The following FSIP2 variants were observed in gnomAD, a reference collection of about 807,000 sequenced individuals.
The protein encoded by FSIP2 is fibrous sheath interacting protein 2.
In FSIP2, 367 loss-of-function variants were observed where a neutral mutation model predicts 510.5. The ratio of observed to expected loss-of-function variants is 0.72; its 90% CI spans 0.66 to 0.78. The LOEUF is 0.78. Ranked by LOEUF, FSIP2 falls within the 30% of genes least tolerant of loss-of-function variation. FSIP2 has a pLI of 0.00. For synonymous variants in FSIP2, 2,601 were observed against 2,732.2 expected (o/e 0.95, Z 1.50); for missense variants, 7,594 against 7,901.7 (o/e 0.96, Z 1.48).
chr2:185,787,237 T>C (rs977801025), intron 15 of FSIP2, among the ~76,000 whole-genome samples: 3 of 134,902 alleles, frequency 2.2e-5, no homozygotes, highest in African/African-American at 5.5e-5. Flanking sequence ...CAACATAAGA[T>C]TGTCATCTCA....
At position 185,789,718 on chromosome 2, in the gene FSIP2, T is replaced by C; in HGVS notation, c.2582T>C (p.Ile861Thr). ...LSCQQHKTDP[I>T]CMFLQRAGKN... ...TGCCAGCAACATAAGACAGACCCAA[T>C]ATGTATGTTCCTTCAAAGAGCTGGC... The change falls in exon 16 of 23, where the codon ATA becomes ACA. Residue 861 changes from isoleucine (I) to threonine (T), a missense_variant. Physicochemically the swap from Ile to Thr is moderately conservative, Grantham distance 89. Transcript: ENST00000424728. 6.5e-7 allele frequency: 1 copy of C among 1,534,416 alleles called. No homozygotes were observed. The highest frequency in any genetic ancestry group is 1.2e-5 in the South Asian group (1 of 84,018).
In FSIP2 at chr2:185,796,355, A is replaced by G; in HGVS notation, c.9219A>G (p.Ser3073=). The part of the protein sequence containing the change: ...NIQNILLRVH[S]FHSQLLTYAV... Reference sequence around the variant, plus strand: ...AGAATATCCTTCTACGGGTTCATTCATTCCATTCACAATTACTTACATATG... The same window carrying G: ...AGAATATCCTTCTACGGGTTCATTCGTTCCATTCACAATTACTTACATATG... The change falls in exon 16 of 23, where the codon TCA becomes TCG. Residue 3073 remains serine (S), a synonymous_variant. Coordinates refer to ENST00000424728, the MANE Select transcript of FSIP2 (RefSeq NM_173651.4). The G allele has an allele frequency of 1.3e-6, 2 of 1,534,086 alleles. No homozygotes were observed. The highest frequency in any genetic ancestry group is 4.9e-5 in the East Asian group (2 of 40,830).
At chr2:185,767,913 C>T (rs1362131708) in intron 13 of FSIP2, among the ~76,000 whole-genome samples, 2 of 152,052 alleles carry the variant, frequency 1.3e-5, no homozygotes, top group South Asian at 2.1e-4. Context: ...ATTGCTAGAT[C>T]GATCATAAGG....
In FSIP2 at chr2:185,800,277, G is replaced by A. The variant is rs1559031759; in HGVS notation, c.10971G>A (p.Trp3657Ter). The A allele has an allele frequency of 3.3e-6, 5 of 1,533,962 alleles. No homozygotes were observed. The highest frequency in any genetic ancestry group is 2.4e-5 in the East Asian group (1 of 40,832). The change falls in exon 17 of 23, where the codon TGG becomes TGA. Residue 3657 changes from tryptophan (W) to a stop codon, truncating the protein, a stop_gained. Transcript: ENST00000424728. LOFTEE classifies it high-confidence loss of function. Reference protein sequence around the residue: ...KINRQASPRDWQFSTQQIGQL... With the variant: ...KINRQASPRD ...ATAGACAGGCAAGCCCCAGAGACTG[G>A]CAATTTTCTACTCAACAAATTGGTC...
At position 185,801,789 on chromosome 2, in the gene FSIP2, T is replaced by G; in HGVS notation, c.12483T>G (p.Cys4161Trp). Residue 4161 changes from cysteine to tryptophan, a missense_variant, in exon 17 of 23, where the codon TGT (cysteine) becomes TGG (tryptophan). Transcript: ENST00000424728. ...LSQLIPPPITCSSLGKKYLMS... is the reference protein window; with the variant it reads ...LSQLIPPPITWSSLGKKYLMS... ...AGCTAATTCCTCCACCCATTACATG[T>G]TCCTCTTTAGGAAAAAAATATTTAA... 4 of 1,500,046 alleles carry G rather than the reference T, an allele frequency of 2.7e-6. No individual in the cohort carries two copies. Among genetic ancestry groups the G allele is most frequent in the Non-Finnish European group, 3.5e-6 (4 of 1,130,184 alleles). 92.9% of individuals were successfully genotyped at this position (1,500,046 alleles called of 1,614,324 possible).
chr2:185,793,719 A>G lies in FSIP2; in HGVS notation c.6583A>G (p.Lys2195Glu), dbSNP rs1693195146. The G allele has an allele frequency of 2.6e-6, 4 of 1,534,534 alleles. No homozygotes were observed. Among genetic ancestry groups the G allele is most frequent in the Non-Finnish European group, 3.5e-6 (4 of 1,145,848 alleles). ...LPLTFCDTFP[K>E]IDCQQPLKGS... ...CCTGACATTTTGTGATACGTTTCCA[A>G]AAATAGACTGTCAACAGCCTCTTAA... is the stretch of plus-strand genomic sequence containing the variant. The change falls in exon 16 of 23, where the codon AAA (lysine) becomes GAA (glutamate). Residue 2195 changes from lysine to glutamate, a missense_variant. By Grantham distance (56) the Lys-to-Glu change is moderately conservative (BLOSUM62 1). Coordinates refer to ENST00000424728, the MANE Select transcript of FSIP2 (RefSeq NM_173651.4).
Position 185,797,465 on chromosome 2 carries a change from T to C in FSIP2, c.10329T>C (p.His3443=). ...ATGAAATGGGTTCCAATGAAGTTCA[T>C]CTGATAGCAAGACATGTCACCACAT... The part of the protein sequence containing the change: ...ADHEMGSNEV[H]LIARHVTTSV... Residue 3443 remains histidine, a synonymous_variant, in exon 16 of 23, where the codon CAT becomes CAC. Coordinates refer to ENST00000424728, the MANE Select transcript of FSIP2 (RefSeq NM_173651.4). The C allele has an allele frequency of 2.0e-6, 3 of 1,525,534 alleles. No homozygotes were observed. Among genetic ancestry groups the C allele is most frequent in the Non-Finnish European group, 2.6e-6 (3 of 1,143,874 alleles). The allele number at this position is 1,525,534 out of a possible 1,614,324, so 94.5% of individuals were successfully genotyped here. A position where few individuals can be genotyped will look rare whatever the true frequency, so the allele number is the denominator to read the frequency against.
chr2:185,790,814 T>A lies in FSIP2; in HGVS notation c.3678T>A (p.Ser1226Arg), dbSNP rs1349648545. The A allele has an allele frequency of 6.5e-7, 1 of 1,532,952 alleles. No homozygotes were observed. Among genetic ancestry groups the A allele is most frequent in the South Asian group, 1.2e-5 (1 of 83,658 alleles). The allele number at this position is 1,532,952 out of a possible 1,614,324, so 95.0% of individuals were successfully genotyped here. A position where few individuals can be genotyped will look rare whatever the true frequency, so the allele number is the denominator to read the frequency against. Residue 1226 changes from serine (S) to arginine (R), a missense_variant, in exon 16 of 23, where the codon AGT becomes AGA. Coordinates refer to ENST00000424728, the MANE Select transcript of FSIP2 (RefSeq NM_173651.4). ...ACCCATTAAAAACATGGTTTGACAG[T>A]GAAAAGAAAATGAAATATTTATCTT... ...NKYPLKTWFD[S>R]EKKMKYLSLF...
At chr2:185,815,064 AAT>A (rs1222931134) in intron 18 of FSIP2, among the ~76,000 whole-genome samples, 1 of 152,042 alleles carries the variant, frequency 6.6e-6, no homozygotes, top group Non-Finnish European at 1.5e-5. Context: ...TGCCCTCAGT[AAT>A]ATATGATTTC....
intron 13 of FSIP2, among the ~76,000 whole-genome samples, chr2:185,766,862 C>T (rs7588544): frequency 0.33 from 27,593 of 83,846 alleles, 3,504 homozygotes; most frequent in South Asian, 0.35. Context: ...TAAAGACACA[C>T]GCACACGTAT....
In FSIP2 at chr2:185,794,348, A is replaced by G; in HGVS notation, c.7212A>G (p.Arg2404=). ...DSMLKMLDDK[R]SVKEICFNSK... is the part of the protein sequence containing the mutation. ...TGTTAAAGATGTTAGATGATAAAAG[A>G]TCTGTAAAGGAAATTTGTTTTAATT... The change falls in exon 16 of 23, where the codon AGA becomes AGG. Residue 2404 remains arginine, a synonymous_variant. Coordinates refer to ENST00000424728, the MANE Select transcript of FSIP2 (RefSeq NM_173651.4). The G allele has an allele frequency of 6.6e-7, 1 of 1,515,924 alleles. No homozygotes were observed. The highest frequency in any genetic ancestry group is 8.8e-7 in the Non-Finnish European group (1 of 1,138,928). The allele number at this position is 1,515,924 out of a possible 1,614,324, so 93.9% of individuals were successfully genotyped here. A position where few individuals can be genotyped will look rare whatever the true frequency, so the allele number is the denominator to read the frequency against.
At chr2:185,784,257 A>C (rs80137114) in intron 14 of FSIP2, 1 of 152,276 alleles carries the variant, frequency 6.6e-6, no homozygotes, top group East Asian at 1.9e-4. Context: ...GGTTGCACTC[A>C]GGTGATAAGT....
chr2:185,744,535 T>C (rs1254384662), intron 4 of FSIP2, 124 bp downstream of exon 4: 1 of 256,784 alleles, frequency 3.9e-6, no homozygotes, highest in Non-Finnish European at 7.3e-6. Flanking sequence ...TGAATATTTT[T>C]TCCAAGTGAA....
At position 185,803,126 on chromosome 2, in the gene FSIP2, A is replaced by G; in HGVS notation, c.13820A>G (p.Asp4607Gly). The stretch of plus-strand genomic sequence containing the variant: ...TCTTCATCAGACACATATTTTGATG[A>G]TGAGAGAAGGCAGTTATTTTATACC... ...SLSSSDTYFDDERRQLFYTSV... is the reference protein window; with the variant it reads ...SLSSSDTYFDGERRQLFYTSV... The change falls in exon 17 of 23, where the codon GAT (aspartate) becomes GGT (glycine). Residue 4607 changes from aspartate (D) to glycine (G), a missense_variant. Transcript: ENST00000424728. 1 of 1,521,440 alleles carries G rather than the reference A, an allele frequency of 6.6e-7. No individual in the cohort carries two copies. Among genetic ancestry groups the G allele is most frequent in the Non-Finnish European group, 8.8e-7 (1 of 1,141,476 alleles). The allele number at this position is 1,521,440 out of a possible 1,614,324, so 94.2% of individuals were successfully genotyped here.
intron 3 of FSIP2, among the ~76,000 whole-genome samples, chr2:185,744,009 T>C (rs1439714959): frequency 6.6e-6 from 1 of 151,954 alleles, no homozygotes; most frequent in Non-Finnish European, 1.5e-5. Flanking sequence ...AATTTTTTTT[T>C]TTTAGAGATG....
In FSIP2 at chr2:185,808,664, A is replaced by G; in HGVS notation, c.19358A>G (p.Lys6453Arg). The part of the protein sequence containing the change: ...IKDTNTAFPK[K>R]VASLIIDGVS... ...GATACAAATACAGCCTTTCCTAAAA[A>G]AGTGGCTAGTTTAATTATTGATGGA... Residue 6453 changes from lysine (K) to arginine (R), a missense_variant, in exon 17 of 23, where the codon AAA becomes AGA. Coordinates refer to ENST00000424728, the MANE Select transcript of FSIP2 (RefSeq NM_173651.4). 6.2e-7 allele frequency: 1 copy of G among 1,606,120 alleles called. No homozygotes were observed. The highest frequency in any genetic ancestry group is 8.5e-7 in the Non-Finnish European group (1 of 1,176,892).
In FSIP2 at chr2:185,806,727, A is replaced by G; in HGVS notation, c.17421A>G (p.Gln5807=). The change falls in exon 17 of 23, where the codon CAA becomes CAG. Residue 5807 remains glutamine, a synonymous_variant. Coordinates refer to ENST00000424728, the MANE Select transcript of FSIP2 (RefSeq NM_173651.4). ...TCTTTTCTTCTATACCAGAAACACA[A>G]ATACAAGATAGATGTCAAAATGTTA... ...QLIFSSIPET[Q]IQDRCQNVSD... is the part of the protein sequence containing the mutation. 1 of 1,610,144 alleles carries G rather than the reference A, an allele frequency of 6.2e-7. No homozygotes were observed. Among genetic ancestry groups the G allele is most frequent in the Non-Finnish European group, 8.5e-7 (1 of 1,178,228 alleles).
At chr2:185,798,495 G>C (rs543653975) in intron 16 of FSIP2, among the ~76,000 whole-genome samples, 64 of 151,864 alleles carry the variant, frequency 4.2e-4, no homozygotes, top group African/African-American at 1.4e-3. Flanking sequence ...ATTCAGTTTA[G>C]TATTACTATA....
chr2:185,751,851 A>T (rs1373846396), intron 7 of FSIP2, among the ~76,000 whole-genome samples: 1 of 140,560 alleles, frequency 7.1e-6, no homozygotes, highest in Non-Finnish European at 1.6e-5. Context: ...TTACAGTATT[A>T]TGCTTTATTT....
Sources: allele counts gnomAD v4.1 joint callset (sites outside exome capture counted in the v4.1 genomes callset), GRCh38; gene constraint gnomAD v4.1.1; transcripts MANE v1.5; gene names NCBI Gene and HGNC (gene_info 2026-07-23, HGNC 2026-07-21).